Variants in CBR4 observed in about 807,000 individuals in gnomAD.
CBR4 encodes 3-oxoacyl-[acyl-carrier-protein] reductase.
CBR4 carries 22 observed loss-of-function variants against 21.0 expected under a neutral mutation model. That is an observed-to-expected ratio of 1.05 (90% CI 0.75 to 1.50). The LOEUF (loss-of-function observed/expected upper bound fraction) is 1.50, where lower values mean the gene tolerates loss of function less well. CBR4 is among the 40% of genes most tolerant of loss of function. CBR4 has a pLI of 0.00. For synonymous variants in CBR4, 100 were observed against 104.4 expected, an observed-to-expected ratio of 0.96 and a Z score of 0.26; for missense variants, 302 against 286.3, an observed-to-expected ratio of 1.05 and a Z score of -0.40.
chr4:168,951,162 G>A (rs1763529915), intron 2 of CBR4, among the ~76,000 whole-genome samples: 3 of 152,056 alleles, frequency 2.0e-5, no homozygotes, highest in South Asian at 2.1e-4. Context: ...AGGTACAAGC[G>A]ATTCTCCTGC....
At position 168,990,191 on chromosome 4, in the gene CBR4, G is replaced by T. The variant is rs1578990783; in HGVS notation, c.673C>A (p.His225Asn). The T allele has an allele frequency of 6.2e-7, 1 of 1,611,430 alleles. No individual in the cohort carries two copies. Among genetic ancestry groups the T allele is most frequent in the East Asian group, 2.2e-5 (1 of 44,672 alleles). Residue 225 changes from histidine to asparagine, a missense_variant, in exon 5 of 5, where the codon CAT becomes AAT. Coordinates refer to ENST00000306193, the MANE Select transcript of CBR4 (RefSeq NM_032783.5). ...AATCCCCCATCCACTACCAGAACAT[G>T]CCCTGTAATATACGGTGATTCTAAA... Reference protein sequence around the residue: ...FLLESPYITGHVLVVDGGLQL... With the variant: ...FLLESPYITGNVLVVDGGLQL...
At chr4:168,908,368 C>G (rs1758244326) in intron 2 of CBR4, among the ~76,000 whole-genome samples, 3 of 152,032 alleles carry the variant, frequency 2.0e-5, no homozygotes, top group African/African-American at 7.2e-5. Context: ...TGTAAGGATG[C>G]CATTCTGGAA....
intron 2 of CBR4, among the ~76,000 whole-genome samples, chr4:168,967,284 C>T (rs947145689): frequency 5.3e-5 from 8 of 152,174 alleles, no homozygotes; most frequent in South Asian, 2.1e-4. Context: ...CATGTTCTCA[C>T]TCATAGGTGG....
rs762322026 is a variant in CBR4 at position 168,894,535 on chromosome 4, G to A, written n.365+35C>T. On this transcript the variant is annotated intron_variant and non_coding_transcript_variant, in intron 3 of 3. Coordinates refer to the CBR4 transcript ENST00000509108. The stretch of plus-strand genomic sequence containing the variant: ...TTTTCATAGGGCAGTACATATTTGT[G>A]ATTTTTTTCTAATTTTGTATTTTTT... 1.2e-5 allele frequency: 15 copies of A among 1,284,604 alleles called. No individual in the cohort carries two copies. In the African/African-American group the frequency reaches 1.8e-4, roughly 15 times the overall value. 79.6% of individuals were successfully genotyped at this position (1,284,604 alleles called of 1,614,324 possible). A position where few individuals can be genotyped will look rare whatever the true frequency, so the allele number is the denominator to read the frequency against.
chr4:168,894,873 C>A, intron 2 of CBR4: 1 of 798,682 alleles, frequency 1.3e-6, no homozygotes, highest in South Asian at 1.9e-5. Context: ...TGACAGAATT[C>A]TTTCCATCAG....
At chr4:168,967,051 G>A (rs2126744293) in intron 2 of CBR4, among the ~76,000 whole-genome samples, 1 of 151,634 alleles carries the variant, frequency 6.6e-6, no homozygotes, top group African/African-American at 2.4e-5. Flanking sequence ...AAAGACACAT[G>A]CACACATATG....
exon 3 of CBR4, chr4:168,894,741 A>T: frequency 6.4e-7 from 1 of 1,573,878 alleles, no homozygotes; most frequent in South Asian, 1.2e-5. Flanking sequence ...CATCTTCCTT[A>T]TGGATACTGT....
intron 4 of CBR4, among the ~76,000 whole-genome samples, chr4:168,995,576 T>C (rs1054671869): frequency 1.4e-5 from 2 of 147,558 alleles, no homozygotes; most frequent in African/African-American, 4.9e-5. Context: ...CTGTGCTCTC[T>C]CTCCTTGGCC....
downstream of CBR4, among the ~76,000 whole-genome samples, chr4:168,985,258 A>C (rs1764652240): frequency 6.6e-6 from 1 of 152,162 alleles, no homozygotes; most frequent in Non-Finnish European, 1.5e-5. Flanking sequence ...TCAAAAGAAG[A>C]CATACGTGCA....
chr4:169,010,253 A>G lies in CBR4; in HGVS notation c.-164T>C. 1.6e-6 allele frequency: 1 copy of G among 614,978 alleles called. No individual in the cohort carries two copies. Among genetic ancestry groups the G allele is most frequent in the Non-Finnish European group, 2.7e-6 (1 of 371,910 alleles). 38.1% of individuals were successfully genotyped at this position (614,978 alleles called of 1,614,324 possible). On this transcript the variant is annotated 5_prime_UTR_variant, in exon 1 of 5. Transcript: ENST00000306193. ...TCGACACCTCCTGCAGCCGCACAATAGTAATGCAAGACGCCGTGAAAAGGA... is the reference window on the plus strand; with the variant it reads ...TCGACACCTCCTGCAGCCGCACAATGGTAATGCAAGACGCCGTGAAAAGGA...
chr4:168,901,528 T>C lies in CBR4; in HGVS notation n.170-6763A>G, dbSNP rs1756509016. 3.9e-5 allele frequency among the ~76,000 whole-genome samples: 6 copies of C among 152,240 alleles called. No individual in the cohort carries two copies. The South Asian group carries it at 8.3e-4, about 21-fold the overall frequency. ...TGGCAAGAATGCAAAAGGGAAGAAA[T>C]TGTATACTTATTACAGCTTCTTTTT... On this transcript the variant is annotated intron_variant and non_coding_transcript_variant, in intron 2 of 3. Coordinates refer to the CBR4 transcript ENST00000509108.
intron 2 of CBR4, among the ~76,000 whole-genome samples, chr4:168,934,937 AATATT>A (rs1413565322): frequency 6.6e-6 from 1 of 152,224 alleles, no homozygotes; most frequent in Non-Finnish European, 1.5e-5. Context: ...TCCTCAATAT[AATATT>A]AGTAAATTCA....
At chr4:168,926,018 C>T (rs960720888) in intron 2 of CBR4, among the ~76,000 whole-genome samples, 2 of 151,920 alleles carry the variant, frequency 1.3e-5, no homozygotes, top group Admixed American at 1.3e-4. Context: ...TGCTTTATTC[C>T]CACTATCCTG....
rs543191017 is a variant in CBR4, at chr4:168,939,476, G to C, written n.170-44711C>G. Among the ~76,000 whole-genome samples the C allele has an allele frequency of 2.9e-3, 444 of 152,186 alleles. 2 individuals are homozygous for C. Among genetic ancestry groups the C allele is most frequent in the Middle Eastern group, 6.8e-3 (2 of 294 alleles). On this transcript the variant is annotated intron_variant and non_coding_transcript_variant, in intron 2 of 3. Coordinates refer to the CBR4 transcript ENST00000509108. ...AATCAGGCAAGAGAAAGAAATAAAG[G>C]GTATTCAAATAGGAAGAGAGGAAGT...
At chr4:168,908,112 T>C (rs1758187592) in intron 2 of CBR4, among the ~76,000 whole-genome samples, 1 of 152,230 alleles carries the variant, frequency 6.6e-6, no homozygotes, top group Non-Finnish European at 1.5e-5. Context: ...AGTAGTAGTA[T>C]TTGTTCCAAG....
intron 2 of CBR4, among the ~76,000 whole-genome samples, chr4:168,967,236 C>T (rs1243147912): frequency 6.6e-6 from 1 of 152,094 alleles, no homozygotes; most frequent in Non-Finnish European, 1.5e-5. Context: ...AACCATCATT[C>T]TAAGCAAACT....
chr4:169,004,966 C>T (rs1352933959), intron 3 of CBR4, among the ~76,000 whole-genome samples: 3 of 151,918 alleles, frequency 2.0e-5, no homozygotes. Flanking sequence ...ACTTATGATA[C>T]AAAAATTAAT....
chr4:169,009,749 G>C (rs767357896), intron 1 of CBR4, among the ~76,000 whole-genome samples, 199 bp downstream of exon 1: 2 of 152,238 alleles, frequency 1.3e-5, no homozygotes, highest in South Asian at 4.1e-4. Context: ...CTGCGTGGCC[G>C]GCATTCTGCG....
intron 2 of CBR4, among the ~76,000 whole-genome samples, chr4:168,905,962 G>A (rs1757708047): frequency 6.6e-6 from 1 of 151,604 alleles, no homozygotes; most frequent in African/African-American, 2.4e-5. Context: ...AATAGAGACG[G>A]GGTTTCACCT....
Sources: gnomAD v4.1 joint callset for allele counts (sites outside exome capture counted in the v4.1 genomes callset) on GRCh38, gnomAD v4.1.1 for gene constraint, MANE v1.5 for transcripts, NCBI Gene and HGNC (gene_info 2026-07-23, HGNC 2026-07-21) for gene names.